Variants in CCDC102B observed in about 807,000 individuals in gnomAD.
CCDC102B encodes coiled-coil domain-containing protein 102B.
In CCDC102B, 75 loss-of-function variants were observed where a neutral mutation model predicts 57.4. The ratio of observed to expected loss-of-function variants is 1.31; its 90% CI spans 1.08 to 1.58. CCDC102B has a LOEUF of 1.58. CCDC102B is among the 40% of genes most tolerant of loss of function. CCDC102B has a pLI of 0.00. For missense variants in CCDC102B, 636 were observed against 582.6 expected, an observed-to-expected ratio of 1.09 and a Z score of -0.94; for synonymous variants, 206 against 201.9, an observed-to-expected ratio of 1.02 and a Z score of -0.17.
At chr18:68,898,870 T>G (rs990817195) in intron 6 of CCDC102B, among the ~76,000 whole-genome samples, 1 of 152,110 alleles carries the variant, frequency 6.6e-6, no homozygotes, top group African/African-American at 2.4e-5. Flanking sequence ...TCTAGTTGTA[T>G]CAAAATGTAT....
At chr18:68,795,757 A>G (rs2035608921), upstream of CCDC102B, among the ~76,000 whole-genome samples, 1 of 152,168 alleles carries the variant, frequency 6.6e-6, no homozygotes, top group Non-Finnish European at 1.5e-5. Flanking sequence ...AATCATCTTC[A>G]TAGGTACAGG....
intron 6 of CCDC102B, among the ~76,000 whole-genome samples, chr18:68,903,834 T>C (rs1263429258): frequency 6.6e-6 from 1 of 152,186 alleles, no homozygotes; most frequent in African/African-American, 2.4e-5. Flanking sequence ...GCAGTAATGA[T>C]GTGTCTTAGG....
At chr18:68,932,025 G>A (rs537071409) in intron 6 of CCDC102B, among the ~76,000 whole-genome samples, 1 of 151,918 alleles carries the variant, frequency 6.6e-6, no homozygotes, top group South Asian at 2.1e-4. Flanking sequence ...TAAACATTCA[G>A]TGAATGTTTA....
At chr18:68,976,879 A>G (rs1258400969) in intron 6 of CCDC102B, among the ~76,000 whole-genome samples, 2 of 151,998 alleles carry the variant, frequency 1.3e-5, no homozygotes, top group African/African-American at 4.8e-5. Flanking sequence ...GGATTTCATT[A>G]TGATCCACAT....
At chr18:68,750,788 A>G (rs631039) in intron 2 of CCDC102B, among the ~76,000 whole-genome samples, 2,139 of 112,170 alleles carry the variant, frequency 0.019, 51 homozygotes, top group African/African-American at 0.065. Context: ...ATCACACACC[A>G]GGGCCTGTCG....
intron 1 of CCDC102B, among the ~76,000 whole-genome samples, chr18:68,806,764 G>T (rs913451258): frequency 6.6e-5 from 10 of 152,042 alleles, no homozygotes; most frequent in Admixed American, 3.9e-4. Flanking sequence ...TAATATTTTT[G>T]ATTTAATCCA....
chr18:68,987,955 A>G (rs544163367), intron 6 of CCDC102B, among the ~76,000 whole-genome samples: 1 of 152,304 alleles, frequency 6.6e-6, no homozygotes, highest in East Asian at 1.9e-4. Context: ...AGGAATGTAA[A>G]TTAGTTCAGC....
At chr18:68,837,651 C>G (rs192139807) in intron 2 of CCDC102B, among the ~76,000 whole-genome samples, 2 of 152,228 alleles carry the variant, frequency 1.3e-5, no homozygotes, top group East Asian at 3.9e-4. Context: ...ATGGTCTTTT[C>G]TCTGTACACA....
intron 2 of CCDC102B, among the ~76,000 whole-genome samples, chr18:68,717,390 G>T (rs1359321282): frequency 1.3e-5 from 2 of 152,172 alleles, no homozygotes; most frequent in East Asian, 3.9e-4. Context: ...CTGATAATAT[G>T]TTGTGATGAT....
chr18:68,821,657 CCTT>C (rs1244712564), intron 1 of CCDC102B, among the ~76,000 whole-genome samples: 2 of 151,600 alleles, frequency 1.3e-5, no homozygotes, highest in Non-Finnish European at 2.9e-5. Flanking sequence ...CTTTTCTTCT[CCTT>C]CTTCCTTCCA....
At chr18:68,856,864 G>A (rs1378686304) in intron 4 of CCDC102B, among the ~76,000 whole-genome samples, 1 of 149,606 alleles carries the variant, frequency 6.7e-6, no homozygotes, top group Admixed American at 6.8e-5. Context: ...CTTTATATGT[G>A]TTTTTTATAT....
At chr18:68,861,071 T>G (rs2144881375) in intron 4 of CCDC102B, among the ~76,000 whole-genome samples, 1 of 151,006 alleles carries the variant, frequency 6.6e-6, no homozygotes, top group East Asian at 2.0e-4. Context: ...ATGTTAACAG[T>G]TGTGGTACAG....
rs2052780590 is a variant in CCDC102B, at chr18:69,054,429, A to G, written c.*292A>G. The G allele has an allele frequency of 9.4e-7, 1 of 1,061,716 alleles. No individual in the cohort carries two copies. Among genetic ancestry groups the G allele is most frequent in the African/African-American group, 1.7e-5 (1 of 59,198 alleles). The allele number at this position is 1,061,716 out of a possible 1,614,324, so 65.8% of individuals were successfully genotyped here. On this transcript the variant is annotated 3_prime_UTR_variant, in exon 8 of 8. Coordinates refer to ENST00000360242, the MANE Select transcript of CCDC102B (RefSeq NM_024781.3). ...GAATACTTTTTACATAAAATCTGAA[A>G]GAGTTATAATATCGGTAAGAAAAAG...
chr18:68,793,687 T>C (rs1381000396), upstream of CCDC102B, among the ~76,000 whole-genome samples: 1 of 152,290 alleles, frequency 6.6e-6, no homozygotes, highest in African/African-American at 2.4e-5. Context: ...TTAGCTCTGC[T>C]ACCAACCAGC....
intron 6 of CCDC102B, among the ~76,000 whole-genome samples, chr18:69,001,148 A>G (rs1432891851): frequency 6.6e-6 from 1 of 152,116 alleles, no homozygotes; most frequent in Non-Finnish European, 1.5e-5. Context: ...CTTCCTCTCA[A>G]TCATTCCTCT....
intron 2 of CCDC102B, among the ~76,000 whole-genome samples, chr18:68,763,704 GACAAATATTCCTCAAT>G (rs2034329047): frequency 1.1e-5 from 1 of 87,390 alleles, no homozygotes; most frequent in Non-Finnish European, 2.7e-5. Context: ...CCTCAATACA[GACAAATATTCCTCAAT>G]ACAGACAAAT....
chr18:69,024,658 G>A (rs1193216785), intron 7 of CCDC102B, among the ~76,000 whole-genome samples: 1 of 151,878 alleles, frequency 6.6e-6, no homozygotes, highest in Non-Finnish European at 1.5e-5. Flanking sequence ...TGAGTAAATA[G>A]CTTTCTTGAT....
At chr18:68,853,613 A>C (rs1170997258) in intron 4 of CCDC102B, among the ~76,000 whole-genome samples, 2 of 140,596 alleles carry the variant, frequency 1.4e-5, no homozygotes, top group Non-Finnish European at 3.0e-5. Flanking sequence ...AAATTTGCGA[A>C]TTGTTTTCTC....
At chr18:68,794,476 A>G (rs1333899334), upstream of CCDC102B, among the ~76,000 whole-genome samples, 1 of 152,076 alleles carries the variant, frequency 6.6e-6, no homozygotes, top group Non-Finnish European at 1.5e-5. Context: ...AAAAATAAAA[A>G]ATTGTTTTGT....
Sources: gnomAD v4.1 joint callset for allele counts (sites outside exome capture counted in the v4.1 genomes callset) on GRCh38, gnomAD v4.1.1 for gene constraint, MANE v1.5 for transcripts, NCBI Gene and HGNC (gene_info 2026-07-23, HGNC 2026-07-21) for gene names.